Variants in NIPA1 observed in about 807,000 individuals in gnomAD.
NIPA1 encodes NIPA magnesium transporter 1, also known as magnesium transporter NIPA1.
Under a neutral mutation model 23.9 loss-of-function variants are expected in NIPA1, and 13 were observed. The ratio of observed to expected loss-of-function variants is 0.54; its 90% CI spans 0.35 to 0.87. The LOEUF (loss-of-function observed/expected upper bound fraction) is 0.87. NIPA1 is among the 40% of genes least tolerant of loss of function. The pLI is 0.01. For missense variants in NIPA1, 362 were observed against 429.7 expected, an observed-to-expected ratio of 0.84 and a Z score of 1.39; for synonymous variants, 234 against 202.9, an observed-to-expected ratio of 1.15 and a Z score of -1.30.
At chr15:22,797,055 T>C (rs900238102) in intron 1 of NIPA1, among the ~76,000 whole-genome samples, 1 of 152,060 alleles carries the variant, frequency 6.6e-6, no homozygotes, top group South Asian at 2.1e-4. Context: ...TTTTTTTTTT[T>C]TTTAGATAAA....
chr15:22,814,289 G>T (rs898822758), intron 3 of NIPA1: 1 of 269,840 alleles, frequency 3.7e-6, no homozygotes, highest in South Asian at 4.0e-5. Flanking sequence ...ACGGAGTCTC[G>T]CTCTGTCGCC....
chr15:22,823,414 C>G (rs961535474), intron 4 of NIPA1, among the ~76,000 whole-genome samples: 1 of 151,802 alleles, frequency 6.6e-6, no homozygotes, highest in Non-Finnish European at 1.5e-5. Flanking sequence ...CTTGGCCAGG[C>G]TGGTCTTGAA....
chr15:22,809,255 T>C (rs1190345657), intron 1 of NIPA1, among the ~76,000 whole-genome samples: 1 of 151,766 alleles, frequency 6.6e-6, no homozygotes, highest in Non-Finnish European at 1.5e-5. Context: ...CACGTGGTGG[T>C]GCACGCCTGT....
At chr15:22,799,408 G>T (rs1295621709) in intron 1 of NIPA1, among the ~76,000 whole-genome samples, 1 of 152,138 alleles carries the variant, frequency 6.6e-6, no homozygotes, top group Non-Finnish European at 1.5e-5. Context: ...CCAGTAATCT[G>T]CCGAGGTGGG....
intron 1 of NIPA1, among the ~76,000 whole-genome samples, chr15:22,810,046 C>CA (rs11393089): frequency 0.32 from 48,194 of 148,596 alleles, 12,829 homozygotes; most frequent in African/African-American, 0.72. Flanking sequence ...AACTCTGCCT[C>CA]AAAAAAAAAA....
rs187476473 is a variant in NIPA1, at chr15:22,794,626, G to A, written c.178+7792G>A. On this transcript the variant is annotated intron_variant, in intron 1 of 4. Coordinates refer to ENST00000337435, the MANE Select transcript of NIPA1 (RefSeq NM_144599.5). ...ATGTGGAGGGGAAGGGAGTTGTCTC[G>A]TGAGAGTGTAAACTGAGATCCAGGC... Among the ~76,000 whole-genome samples, 127 of 152,182 alleles carry A rather than the reference G, an allele frequency of 8.3e-4. 1 individual carries two copies. Among genetic ancestry groups the A allele is most frequent in the Non-Finnish European group, 4.9e-4 (33 of 67,994 alleles).
At chr15:22,793,250 G>C (rs1259209499) in intron 1 of NIPA1, among the ~76,000 whole-genome samples, 1 of 149,424 alleles carries the variant, frequency 6.7e-6, no homozygotes. Flanking sequence ...TTGGGAGGCT[G>C]AGGCATGAAA....
chr15:22,819,656 T>G (rs1314128974), intron 3 of NIPA1, among the ~76,000 whole-genome samples: 1 of 152,168 alleles, frequency 6.6e-6, no homozygotes, highest in African/African-American at 2.4e-5. Flanking sequence ...TTCACTTAAT[T>G]TATTTTGTTT....
chr15:22,786,651 G>A lies in NIPA1; in HGVS notation c.-6G>A. On this transcript the variant is annotated 5_prime_UTR_variant, in exon 1 of 5. Transcript: ENST00000337435. Reference sequence around the variant, plus strand: ...GGCGCAGGCTCGGAGGGCGGGCGCGGGCGGAATGGGGACTGCAGCTGCGGC... The same window carrying A: ...GGCGCAGGCTCGGAGGGCGGGCGCGAGCGGAATGGGGACTGCAGCTGCGGC... 9.7e-7 allele frequency: 1 copy of A among 1,030,768 alleles called. No homozygotes were observed. Among genetic ancestry groups the A allele is most frequent in the Non-Finnish European group, 1.2e-6 (1 of 855,602 alleles). 63.9% of individuals were successfully genotyped at this position (1,030,768 alleles called of 1,614,324 possible).
intron 1 of NIPA1, among the ~76,000 whole-genome samples, chr15:22,793,597 T>G: frequency 6.6e-6 from 1 of 151,786 alleles, no homozygotes; most frequent in East Asian, 2.0e-4. Flanking sequence ...TCCGCCACCA[T>G]GCCCGGCTAA....
chr15:22,794,969 T>A (rs928944464), intron 1 of NIPA1, among the ~76,000 whole-genome samples: 6 of 152,098 alleles, frequency 3.9e-5, no homozygotes, highest in Non-Finnish European at 7.4e-5. Context: ...GGCTGTCACG[T>A]GTCCACTGGG....
intron 1 of NIPA1, among the ~76,000 whole-genome samples, chr15:22,796,509 G>C (rs566955604): frequency 1.0e-4 from 15 of 149,878 alleles, no homozygotes; most frequent in African/African-American, 3.7e-4. Flanking sequence ...TTGTTATGTT[G>C]ATCAGGCTGG....
chr15:22,818,884 A>G (rs1895477680), intron 3 of NIPA1, among the ~76,000 whole-genome samples: 1 of 152,156 alleles, frequency 6.6e-6, no homozygotes, highest in South Asian at 2.1e-4. Context: ...CGTGGCTCAT[A>G]CTGTCCACTT....
At position 22,829,145 on chromosome 15, in the gene NIPA1, A is replaced by G. The variant is rs576476869; in HGVS notation, c.*4906A>G. ...AATATGGAAATTAAACAGGGACTTC[A>G]GAAAGCCGCACAGAAAGATCACCTT... is the stretch of plus-strand genomic sequence containing the variant. On this transcript the variant is annotated 3_prime_UTR_variant, in exon 5 of 5. Coordinates refer to ENST00000337435, the MANE Select transcript of NIPA1 (RefSeq NM_144599.5). 6.6e-6 allele frequency: 1 copy of G among 152,366 alleles called. No individual in the cohort carries two copies. The highest frequency in any genetic ancestry group is 2.1e-4 in the South Asian group (1 of 4,830). 9.4% of individuals were successfully genotyped at this position (152,366 alleles called of 1,614,324 possible).
rs1295103631 is a variant in NIPA1 at position 22,808,679 on chromosome 15, C to CTTAATATTCTTTTTTTTTTTT, written c.179-2068_179-2067insAATATTCTTTTTTTTTTTTTT. 5.5e-5 allele frequency among the ~76,000 whole-genome samples: 7 copies of CTTAATATTCTTTTTTTTTTTT among 128,336 alleles called. No homozygotes were observed. The East Asian group carries it at 1.5e-3, about 28-fold the overall frequency. 84.2% of individuals were successfully genotyped at this position (128,336 alleles called of 152,430 possible). On this transcript the variant is annotated intron_variant, in intron 1 of 4. Coordinates refer to ENST00000337435, the MANE Select transcript of NIPA1 (RefSeq NM_144599.5). Reference sequence around the variant, plus strand: ...TGTGATGTGATCAAATAGCAATATTCTTTTTTTTGAGACAGTGTCTCACTC... The same window carrying CTTAATATTCTTTTTTTTTTTT: ...TGTGATGTGATCAAATAGCAATATTCTTAATATTCTTTTTTTTTTTTTTTTTTTTGAGACAGTGTCTCACTC...
At position 22,818,159 on chromosome 15, in the gene NIPA1, C is replaced by T. The variant is rs114748681; in HGVS notation, c.318-2154C>T. 5.6e-3 allele frequency among the ~76,000 whole-genome samples: 857 copies of T among 152,320 alleles called. 11 individuals carry two copies. The highest frequency in any genetic ancestry group is 0.02 in the African/African-American group (814 of 41,554). ...TAGTTAGAACACATAAAAACTCTTG[C>T]CGGTCGTGGTGGCTCACGCCTGTAA... On this transcript the variant is annotated intron_variant, in intron 3 of 4. Coordinates refer to ENST00000337435, the MANE Select transcript of NIPA1 (RefSeq NM_144599.5).
chr15:22,826,085 A>T lies in NIPA1; in HGVS notation c.*1846A>T, dbSNP rs1441771659. ...TTAAAGTTCCTCAGTAAGAAAAAAA[A>T]TGTGTTTTTGTAGGCAAAAAGAACA... On this transcript the variant is annotated 3_prime_UTR_variant, in exon 5 of 5. Coordinates refer to ENST00000337435, the MANE Select transcript of NIPA1 (RefSeq NM_144599.5). 1.3e-5 allele frequency: 2 copies of T among 152,170 alleles called. No individual in the cohort carries two copies. The highest frequency in any genetic ancestry group is 3.9e-4 in the East Asian group (2 of 5,178). The allele number at this position is 152,170 out of a possible 1,614,324, so 9.4% of individuals were successfully genotyped here. A position where few individuals can be genotyped will look rare whatever the true frequency, so the allele number is the denominator to read the frequency against.
Position 22,793,418 on chromosome 15 carries a change from C to A in NIPA1, c.178+6584C>A, listed in dbSNP as rs982888387. 2.7e-5 allele frequency among the ~76,000 whole-genome samples: 4 copies of A among 150,014 alleles called. No individual in the cohort carries two copies. The East Asian group carries it at 7.8e-4, about 29-fold the overall frequency. On this transcript the variant is annotated intron_variant, in intron 1 of 4. Transcript: ENST00000337435. ...TTGTTGCTAAGTATAGTCATTCTGC[C>A]CTGCTGTCAAACATTAGAGCTTCTT... is the stretch of plus-strand genomic sequence containing the variant.
intron 1 of NIPA1, among the ~76,000 whole-genome samples, chr15:22,789,206 C>T (rs1233809545): frequency 1.3e-5 from 2 of 151,884 alleles, no homozygotes; most frequent in Non-Finnish European, 2.9e-5. Flanking sequence ...CCAGGATGGT[C>T]CCGAACTCCA....
Sources: allele counts gnomAD v4.1 joint callset (sites outside exome capture counted in the v4.1 genomes callset), GRCh38; gene constraint gnomAD v4.1.1; transcripts MANE v1.5; gene names NCBI Gene and HGNC (gene_info 2026-07-23, HGNC 2026-07-21).